The following DYSF variants were observed in gnomAD, a reference collection of about 807,000 sequenced individuals.
DYSF encodes dysferlin.
In DYSF, 212 loss-of-function variants were observed where a neutral mutation model predicts 274.9. That is an observed-to-expected ratio of 0.77 (90% CI 0.69 to 0.86). The LOEUF is 0.86. Among genes scored for constraint, DYSF ranks in the 40% least tolerant of loss-of-function variants. The pLI is 0.00. For synonymous variants in DYSF, 1,091 were observed against 1,078.7 expected (o/e 1.01, Z -0.22); for missense variants, 2,666 against 2,783.2 (o/e 0.96, Z 0.95).
At chr2:71,618,412 GGTGT>G (rs796750732) in intron 40 of DYSF, among the ~76,000 whole-genome samples, 347 of 6,036 alleles carry the variant, frequency 0.057, no homozygotes, top group South Asian at 0.12. Flanking sequence ...TGGTAGAGGT[GGTGT>G]GTGTGTGGTA....
intron 36 of DYSF, among the ~76,000 whole-genome samples, chr2:71,603,424 G>A (rs561662478): frequency 2.0e-5 from 3 of 152,196 alleles, no homozygotes; most frequent in Non-Finnish European, 4.4e-5. Flanking sequence ...CAGGCCAGAG[G>A]GTGGGTGGCA....
chr2:71,662,833 T>G (rs2094914060), intron 45 of DYSF, among the ~76,000 whole-genome samples: 2 of 138,880 alleles, frequency 1.4e-5, no homozygotes, highest in South Asian at 4.9e-4. Context: ...TGTGCATTTG[T>G]GTATATGTGT....
At chr2:71,470,533 G>T (rs1023694307) in intron 1 of DYSF, among the ~76,000 whole-genome samples, 1 of 151,566 alleles carries the variant, frequency 6.6e-6, no homozygotes, top group Non-Finnish European at 1.5e-5. Context: ...AATTAGCCGG[G>T]TGTGGTGGTG....
chr2:71,521,347 T>A (rs986578453), intron 12 of DYSF, among the ~76,000 whole-genome samples: 1 of 152,202 alleles, frequency 6.6e-6, no homozygotes, highest in African/African-American at 2.4e-5. Context: ...TGCATCTTTC[T>A]ATGTTTGAGA....
chr2:71,665,018 A>G (rs1450048588), intron 46 of DYSF, 144 bp from the exon 47 acceptor site: 1 of 1,299,782 alleles, frequency 7.7e-7, no homozygotes, highest in Non-Finnish European at 1.1e-6. Flanking sequence ...ATGCCCAGTC[A>G]TGGTGAGCAA....
chr2:71,614,338 C>T (rs1205090493), intron 40 of DYSF, among the ~76,000 whole-genome samples: 1 of 152,224 alleles, frequency 6.6e-6, no homozygotes, highest in Non-Finnish European at 1.5e-5. Context: ...CCTGTATAGA[C>T]AACACCTGTG....
At chr2:71,519,132 T>C (rs949228659) in intron 10 of DYSF, among the ~76,000 whole-genome samples, 4 of 141,828 alleles carry the variant, frequency 2.8e-5, no homozygotes, top group African/African-American at 1.0e-4. Flanking sequence ...ATTACTGGGT[T>C]GGACCTGATG....
At chr2:71,665,566 C>T (rs771986107) in intron 47 of DYSF, among the ~76,000 whole-genome samples, 2 of 152,152 alleles carry the variant, frequency 1.3e-5, no homozygotes, top group Admixed American at 6.5e-5. Flanking sequence ...GGGGCCCATC[C>T]GAGGGCAAGA....
intron 41 of DYSF, among the ~76,000 whole-genome samples, chr2:71,639,545 T>A (rs1211862729): frequency 6.6e-6 from 1 of 152,186 alleles, no homozygotes; most frequent in Non-Finnish European, 1.5e-5. Context: ...TAACTTTTCA[T>A]GTCAGTAAAT....
chr2:71,606,107 G>A (rs2152866149), intron 36 of DYSF, among the ~76,000 whole-genome samples: 1 of 152,294 alleles, frequency 6.6e-6, no homozygotes, highest in African/African-American at 2.4e-5. Flanking sequence ...TAACATGGTG[G>A]CCCCTAGACT....
intron 4 of DYSF, 38 bp downstream of exon 4, chr2:71,503,357 G>A (rs761145868): frequency 4.4e-6 from 7 of 1,604,824 alleles, no homozygotes; most frequent in Non-Finnish European, 6.0e-6. Context: ...TAAGGTCCAA[G>A]GCATTGCCAG....
intron 17 of DYSF, 55 bp downstream of exon 17, chr2:71,539,294 C>T: frequency 6.8e-7 from 1 of 1,464,514 alleles, no homozygotes; most frequent in Non-Finnish European, 9.6e-7. Flanking sequence ...CCCGTACCCC[C>T]TCTATCCAGC....
At chr2:71,554,002 T>C (rs1391580232) in intron 21 of DYSF, 71 bp downstream of exon 21, 16 of 1,607,134 alleles carry the variant, frequency 1.0e-5, no homozygotes, top group African/African-American at 1.3e-5. Flanking sequence ...ATGGGGTGTC[T>C]CAGACCACCA....
Position 71,562,270 on chromosome 2 carries a change from C to A in DYSF, c.2409+326C>A, listed in dbSNP as rs571983192. ...AGGTACCTGGTTCTAGGTTCAGTGC[C>A]AGGGCCAGCTTCCCCAGGTTCCCGA... On this transcript the variant is annotated intron_variant, in intron 23 of 55. Transcript: ENST00000410020. Among the ~76,000 whole-genome samples the A allele has an allele frequency of 9.1e-4, 139 of 152,286 alleles. 2 individuals carry two copies. In the South Asian group the frequency reaches 0.011, roughly 12 times the overall value.
At chr2:71,585,404 G>T (rs547228754) in intron 30 of DYSF, among the ~76,000 whole-genome samples, 72 of 152,316 alleles carry the variant, frequency 4.7e-4, no homozygotes, top group African/African-American at 1.6e-3. Flanking sequence ...AATGGGCAAT[G>T]CCTGGCACAG....
At chr2:71,481,065 C>T in intron 2 of DYSF, 127 bp downstream of exon 2, 2 of 938,966 alleles carry the variant, frequency 2.1e-6, no homozygotes, top group Non-Finnish European at 3.4e-6. Context: ...GGCTGGTGGT[C>T]CAGCCTGCCA....
In DYSF at chr2:71,669,097, G is replaced by A; in HGVS notation, c.5547-15G>A. ...GTAGGAAATCTAGGTGGATTAGAGT[G>A]ATACCTTTCCCCAGGTTTTTCCTGC... On this transcript the variant is annotated splice_polypyrimidine_tract_variant and intron_variant, in intron 49 of 55. Transcript: ENST00000410020. 6.3e-7 allele frequency: 1 copy of A among 1,576,686 alleles called. No individual in the cohort carries two copies. The highest frequency in any genetic ancestry group is 8.6e-7 in the Non-Finnish European group (1 of 1,158,238).
At chr2:71,516,348 G>T in intron 9 of DYSF, 106 bp downstream of exon 9, 1 of 1,005,852 alleles carries the variant, frequency 9.9e-7, no homozygotes, top group Non-Finnish European at 1.6e-6. Flanking sequence ...GCACGTCAGT[G>T]TGAATGCGTG....
chr2:71,669,219 G>A lies in DYSF; in HGVS notation c.5642+12G>A. The A allele has an allele frequency of 1.3e-6, 2 of 1,590,216 alleles. No individual in the cohort carries two copies. The highest frequency in any genetic ancestry group is 1.7e-6 in the Non-Finnish European group (2 of 1,166,120). ...ATTTATGTGAAAGGGTAGGGAGCCA[G>A]CGTCCTCTTGCCTGTCCAGCTTCCC... On this transcript the variant is annotated intron_variant, in intron 50 of 55. Transcript: ENST00000410020.
Sources: gnomAD v4.1 joint callset for allele counts (sites outside exome capture counted in the v4.1 genomes callset) on GRCh38, gnomAD v4.1.1 for gene constraint, MANE v1.5 for transcripts, NCBI Gene and HGNC (gene_info 2026-07-23, HGNC 2026-07-21) for gene names.